The following SEMA6D variants were observed in gnomAD, a reference collection of about 807,000 sequenced individuals.
The protein encoded by SEMA6D is semaphorin 6D.
Under a neutral mutation model 106.6 loss-of-function variants are expected in SEMA6D, and 35 were observed. The ratio of observed to expected loss-of-function variants is 0.33; its 90% CI spans 0.25 to 0.44. The LOEUF (loss-of-function observed/expected upper bound fraction) is 0.44, where lower values mean the gene tolerates loss of function less well. SEMA6D is among the 20% of genes least tolerant of loss of function. The pLI is 1.00. For synonymous variants in SEMA6D, 499 were observed against 487.7 expected (o/e 1.02, Z -0.31); for missense variants, 1,185 against 1,345.9 (o/e 0.88, Z 1.87).
intron 4 of SEMA6D, among the ~76,000 whole-genome samples, chr15:47,706,682 A>T: frequency 6.6e-6 from 1 of 151,388 alleles, no homozygotes; most frequent in African/African-American, 2.4e-5. Context: ...TTTCCTTTTC[A>T]CTCTGTCTCT....
intron 3 of SEMA6D, among the ~76,000 whole-genome samples, chr15:47,499,652 C>T (rs1391925164): frequency 6.6e-6 from 1 of 152,012 alleles, no homozygotes; most frequent in African/African-American, 2.4e-5. Flanking sequence ...AGTTATATTC[C>T]TTATGAAACT....
In SEMA6D at chr15:47,620,242, A is replaced by G. The variant is rs375507436; in HGVS notation, c.-55+19346A>G. Among the ~76,000 whole-genome samples the G allele has an allele frequency of 3.4e-4, 51 of 151,490 alleles. No individual in the cohort carries two copies. The South Asian group carries it at 0.01, about 30-fold the overall frequency. On this transcript the variant is annotated intron_variant, in intron 4 of 19. Coordinates refer to the SEMA6D transcript ENST00000558014. The stretch of plus-strand genomic sequence containing the variant: ...TGCCCACCCTGTGCACATGCAGTGA[A>G]TGTTTTTGAATTTTTTAAATGGATA...
intron 2 of SEMA6D, among the ~76,000 whole-genome samples, chr15:47,445,702 CTTT>C (rs1258783185): frequency 6.6e-6 from 1 of 151,356 alleles, no homozygotes; most frequent in East Asian, 2.0e-4. Context: ...TAGTAAGAGG[CTTT>C]TTTTCACTTT....
At chr15:47,415,729 G>T (rs962813931) in intron 2 of SEMA6D, among the ~76,000 whole-genome samples, 1 of 152,158 alleles carries the variant, frequency 6.6e-6, no homozygotes, top group African/African-American at 2.4e-5. Context: ...AATATGAGTT[G>T]GGGGTGGGGG....
At chr15:47,753,297 T>C (rs1263669030) in intron 1 of SEMA6D, among the ~76,000 whole-genome samples, 1 of 152,210 alleles carries the variant, frequency 6.6e-6, no homozygotes, top group African/African-American at 2.4e-5. Context: ...TCTGTTACAT[T>C]ACTAGCGAGT....
At chr15:47,508,544 T>C (rs1355896772) in intron 3 of SEMA6D, among the ~76,000 whole-genome samples, 1 of 152,264 alleles carries the variant, frequency 6.6e-6, no homozygotes, top group African/African-American at 2.4e-5. Context: ...TTGGCTCAAC[T>C]TTTTAAAAGC....
intron 4 of SEMA6D, among the ~76,000 whole-genome samples, chr15:47,635,569 G>A (rs571398758): frequency 1.3e-5 from 2 of 152,334 alleles, no homozygotes; most frequent in East Asian, 1.9e-4. Flanking sequence ...TCAGAAGTAT[G>A]GGAGGCCCTG....
intron 1 of SEMA6D, chr15:47,718,959 G>A (rs538990512): frequency 5.9e-5 from 9 of 152,326 alleles, no homozygotes; most frequent in African/African-American, 1.9e-4. Context: ...CCTTCCTTGG[G>A]TAATTTAGGA....
intron 2 of SEMA6D, among the ~76,000 whole-genome samples, chr15:47,470,054 C>G (rs1481522763): frequency 6.6e-6 from 1 of 152,006 alleles, no homozygotes; most frequent in Non-Finnish European, 1.5e-5. Flanking sequence ...CTAGTTGAAT[C>G]TTGTCTACCA....
chr15:47,535,977 C>T (rs554507570), intron 3 of SEMA6D, among the ~76,000 whole-genome samples: 3 of 152,150 alleles, frequency 2.0e-5, no homozygotes, highest in South Asian at 2.1e-4. Flanking sequence ...AGGCAGGAAA[C>T]GTGAGTTAAA....
intron 1 of SEMA6D, among the ~76,000 whole-genome samples, chr15:47,251,521 A>G (rs752060361): frequency 6.6e-6 from 1 of 152,188 alleles, no homozygotes; most frequent in Non-Finnish European, 1.5e-5. Context: ...TGCCATCCTA[A>G]ATCATGTATA....
At chr15:47,272,365 G>T (rs145870075) in intron 1 of SEMA6D, among the ~76,000 whole-genome samples, 2 of 152,008 alleles carry the variant, frequency 1.3e-5, no homozygotes, top group Non-Finnish European at 2.9e-5. Context: ...CAATTTAAAG[G>T]GTTGCAAAAT....
At chr15:47,598,906 T>G (rs532111264) in intron 3 of SEMA6D, among the ~76,000 whole-genome samples, 1 of 152,162 alleles carries the variant, frequency 6.6e-6, no homozygotes, top group African/African-American at 2.4e-5. Flanking sequence ...TACTCTGAGA[T>G]GAGATAGCGA....
intron 11 of SEMA6D, among the ~76,000 whole-genome samples, 156 bp from the exon 12 acceptor site, chr15:47,764,482 C>A (rs2082231162): frequency 6.6e-6 from 1 of 152,128 alleles, no homozygotes; most frequent in Non-Finnish European, 1.5e-5. Flanking sequence ...AATGGAGAAC[C>A]CATTGAATTC....
chr15:47,544,410 GA>G (rs2045453252), intron 3 of SEMA6D, among the ~76,000 whole-genome samples: 1 of 152,124 alleles, frequency 6.6e-6, no homozygotes, highest in South Asian at 2.1e-4. Flanking sequence ...TTATTGGCTC[GA>G]AATTGAATAT....
chr15:47,614,948 A>G (rs544580681), intron 4 of SEMA6D, among the ~76,000 whole-genome samples: 3 of 152,276 alleles, frequency 2.0e-5, no homozygotes, highest in African/African-American at 7.2e-5. Context: ...ATTTTCGTCA[A>G]TTATTTTTAT....
In SEMA6D at chr15:47,760,304, A is replaced by C. The variant is rs1477506283; in HGVS notation, c.110A>C (p.Tyr37Ser). Residue 37 changes from tyrosine to serine, a missense_variant and splice_region_variant, in exon 3 of 19, where the codon TAT becomes TCT. Physicochemically the swap from Tyr to Ser is moderately radical, Grantham distance 144. Around this residue, in one of 3 missense-constraint regions of SEMA6D, gnomAD observed 144 missense variants for 138.6 expected, o/e 1.04. Transcript: ENST00000536845. ...DEPLNTVDYH[Y>S]SRQYPVFRGR... is the part of the protein sequence containing the mutation. ...TGGTTTAGCCCATTTTTACTTGCAG[A>C]TTCAAGGCAATATCCGGTTTTTAGA... The C allele has an allele frequency of 6.2e-7, 1 of 1,611,736 alleles. No homozygotes were observed. The highest frequency in any genetic ancestry group is 2.2e-5 in the East Asian group (1 of 44,838).
At chr15:47,645,366 GC>G (rs1212595527) in intron 4 of SEMA6D, among the ~76,000 whole-genome samples, 2 of 152,158 alleles carry the variant, frequency 1.3e-5, no homozygotes, top group Non-Finnish European at 1.5e-5. Flanking sequence ...TCCTTGTCCA[GC>G]CCACTCCCTG....
At chr15:47,723,995 TC>T (rs1346628983) in intron 1 of SEMA6D, among the ~76,000 whole-genome samples, 2 of 152,164 alleles carry the variant, frequency 1.3e-5, no homozygotes, top group African/African-American at 4.8e-5. Context: ...AAATAACACT[TC>T]TACTCCCCAG....
Sources: allele counts gnomAD v4.1 joint callset (sites outside exome capture counted in the v4.1 genomes callset), GRCh38; gene constraint gnomAD v4.1.1; regional missense constraint gnomAD v4.1.1; transcripts MANE v1.5; gene names NCBI Gene and HGNC (gene_info 2026-07-23, HGNC 2026-07-21).